Variants in PCDHGA12 observed in about 807,000 individuals in gnomAD.
The protein encoded by PCDHGA12 is protocadherin gamma subfamily A, 12.
A neutral mutation model predicts 61.1 loss-of-function variants in PCDHGA12; 43 were observed. The observed-to-expected ratio is 0.70, with a 90% CI of 0.55 to 0.91. PCDHGA12 has a LOEUF of 0.91. Ranked by LOEUF, PCDHGA12 falls within the 40% of genes least tolerant of loss-of-function variation. PCDHGA12 has a pLI of 0.00. For synonymous variants in PCDHGA12, 520 were observed against 542.9 expected (o/e 0.96, Z 0.59); for missense variants, 1,236 against 1,227.7 (o/e 1.01, Z -0.10).
Position 141,477,140 on chromosome 5 carries a change from G to GT in PCDHGA12, c.2425-17665dup. ...AGCACATTGCAAAGTGTTGGTGGAG[G>GT]TTGTGGATGTGAATGACAACGCCCC... On this transcript the variant is annotated intron_variant, in intron 1 of 3. Transcript: ENST00000252085. The surrounding 1 kb of genome is among the most constrained non-coding windows in gnomAD (Gnocchi z 4.9). 1 of 1,614,220 alleles carries GT rather than the reference G, an allele frequency of 6.2e-7. No homozygotes were observed. Among genetic ancestry groups the GT allele is most frequent in the Non-Finnish European group, 8.5e-7 (1 of 1,180,048 alleles).
intron 1 of PCDHGA12, among the ~76,000 whole-genome samples, chr5:141,464,984 C>T (rs1345385418): frequency 1.3e-5 from 2 of 152,034 alleles, no homozygotes; most frequent in Non-Finnish European, 2.9e-5. Flanking sequence ...TCAAGTGATC[C>T]TCCCACCTCA....
At position 141,485,386 on chromosome 5, in the gene PCDHGA12, C is replaced by A. The variant is rs1044608807; in HGVS notation, c.2425-9421C>A. The stretch of plus-strand genomic sequence containing the variant: ...GGCTGCAGGTCGCTGGAGAGGTGAA[C>A]CAAAGACACTTCCGTGTGGATTTGG... On this transcript the variant is annotated intron_variant, in intron 1 of 3. Coordinates refer to ENST00000252085, the MANE Select transcript of PCDHGA12 (RefSeq NM_003735.3). This position sits in a 1 kb window ranked among gnomAD's most constrained non-coding sequence, Gnocchi z 5.7. 1.2e-6 allele frequency: 2 copies of A among 1,614,104 alleles called. No homozygotes were observed. The highest frequency in any genetic ancestry group is 8.5e-7 in the Non-Finnish European group (1 of 1,180,002).
At chr5:141,462,503 A>G (rs1338834436) in intron 1 of PCDHGA12, among the ~76,000 whole-genome samples, 1 of 152,060 alleles carries the variant, frequency 6.6e-6, no homozygotes, top group East Asian at 1.9e-4. Context: ...ATAATTGTCA[A>G]CTAGATCAAG....
rs1554175372 is a variant in PCDHGA12, at chr5:141,490,827, G to A, written c.2425-3980G>A. ...CCTTTGACTATGAATTGCTGCAGAT[G>A]CTGCAGATTGTGGTGGGGGTTCGAG... On this transcript the variant is annotated intron_variant, in intron 1 of 3. Transcript: ENST00000252085. This position sits in a 1 kb window ranked among gnomAD's most constrained non-coding sequence, Gnocchi z 5.4. 1 of 1,613,744 alleles carries A rather than the reference G, an allele frequency of 6.2e-7. No individual in the cohort carries two copies. Among genetic ancestry groups the A allele is most frequent in the Non-Finnish European group, 8.5e-7 (1 of 1,179,828 alleles).
intron 1 of PCDHGA12, chr5:141,484,858 T>A: frequency 4.1e-6 from 1 of 245,806 alleles, no homozygotes; most frequent in Non-Finnish European, 7.8e-6. Context: ...TTTTGGGGGG[T>A]GGGGGAGCGT....
rs61612330 is a variant in PCDHGA12 at position 141,454,796 on chromosome 5, A to ATTTTTTTTTT, written c.2424+21633_2424+21642dup. Among the ~76,000 whole-genome samples, 264 of 77,454 alleles carry ATTTTTTTTTT rather than the reference A, an allele frequency of 3.4e-3. 39 individuals carry two copies. Among genetic ancestry groups the ATTTTTTTTTT allele is most frequent in the African/African-American group, 0.012 (196 of 16,878 alleles). 50.8% of individuals were successfully genotyped at this position (77,454 alleles called of 152,430 possible). A position where few individuals can be genotyped will look rare whatever the true frequency, so the allele number is the denominator to read the frequency against. ...AAGGAAATAATCCTCCATGGTTCTA[A>ATTTTTTTTTT]TTTTTTTTTTTTTTTTTTTTTTTTT... On this transcript the variant is annotated intron_variant, in intron 1 of 3. Transcript: ENST00000252085.
At chr5:141,461,082 T>C (rs2099008648) in intron 1 of PCDHGA12, among the ~76,000 whole-genome samples, 1 of 152,070 alleles carries the variant, frequency 6.6e-6, no homozygotes, top group South Asian at 2.1e-4. Flanking sequence ...AATTGTGAAT[T>C]GTGCTGCTAT....
chr5:141,437,000 G>A (rs1197061999), intron 1 of PCDHGA12, among the ~76,000 whole-genome samples: 1 of 152,198 alleles, frequency 6.6e-6, no homozygotes, highest in Non-Finnish European at 1.5e-5. Flanking sequence ...TTACTTCAAT[G>A]GGATCTTAGA....
chr5:141,451,789 G>A (rs2098724524), intron 1 of PCDHGA12, among the ~76,000 whole-genome samples: 1 of 152,074 alleles, frequency 6.6e-6, no homozygotes, highest in South Asian at 2.1e-4. Flanking sequence ...GCTGAGGCCA[G>A]AGAATTGCTT....
rs762238827 is a variant in PCDHGA12 at position 141,487,202 on chromosome 5, C to T, written c.2425-7605C>T. ...CACTCATCCAGTTGTCCCAGATCTT[C>T]GAGAATCTTCAGCTCCAAGGGAAGG... On this transcript the variant is annotated intron_variant, in intron 1 of 3. Coordinates refer to ENST00000252085, the MANE Select transcript of PCDHGA12 (RefSeq NM_003735.3). This position sits in a 1 kb window ranked among gnomAD's most constrained non-coding sequence, Gnocchi z 5.0. 7 of 1,613,660 alleles carry T rather than the reference C, an allele frequency of 4.3e-6. No homozygotes were observed. The highest frequency in any genetic ancestry group is 1.7e-5 in the Admixed American group (1 of 59,992).
rs773474154 is a variant in PCDHGA12, at chr5:141,477,751, G to A, written c.2425-17056G>A. The A allele has an allele frequency of 5.0e-6, 8 of 1,613,712 alleles. No individual in the cohort carries two copies. The highest frequency in any genetic ancestry group is 6.8e-6 in the Non-Finnish European group (8 of 1,180,030). ...CTCATATCAGCGATGGGGGCACCCC[G>A]GTCCTAGCCACCAACATCAGCGTGA... On this transcript the variant is annotated intron_variant, in intron 1 of 3. Transcript: ENST00000252085. The surrounding 1 kb of genome is among the most constrained non-coding windows in gnomAD (Gnocchi z 4.9).
rs771313271 is a variant in PCDHGA12 at position 141,477,861 on chromosome 5, G to C, written c.2425-16946G>C. 1.2e-6 allele frequency: 2 copies of C among 1,612,714 alleles called. No individual in the cohort carries two copies. Among genetic ancestry groups the C allele is most frequent in the South Asian group, 1.1e-5 (1 of 90,968 alleles). On this transcript the variant is annotated intron_variant, in intron 1 of 3. Transcript: ENST00000252085. The surrounding 1 kb of genome is among the most constrained non-coding windows in gnomAD (Gnocchi z 4.9). ...GGGAGCTCGGTGGAGATGCTGCCTC[G>C]AGGTACCTCAGCTGGCCACCTAGTG...
At chr5:141,509,507 T>G (rs2099877110) in intron 3 of PCDHGA12, among the ~76,000 whole-genome samples, 1 of 151,792 alleles carries the variant, frequency 6.6e-6, no homozygotes, top group African/African-American at 2.4e-5. Flanking sequence ...GATGTGACGG[T>G]GTTGATGATG....
intron 2 of PCDHGA12, among the ~76,000 whole-genome samples, chr5:141,498,815 C>T (rs1595543994): frequency 6.6e-6 from 1 of 152,032 alleles, no homozygotes. Flanking sequence ...CACCTGTAGT[C>T]CCAGCTACTC....
chr5:141,469,868 C>T (rs749624047), intron 1 of PCDHGA12, among the ~76,000 whole-genome samples: 6 of 152,228 alleles, frequency 3.9e-5, no homozygotes, highest in Non-Finnish European at 7.3e-5. Flanking sequence ...CAATGGCTCA[C>T]GCCTGTAATC....
intron 2 of PCDHGA12, among the ~76,000 whole-genome samples, chr5:141,502,250 T>A (rs915754322): frequency 2.6e-5 from 4 of 152,242 alleles, no homozygotes; most frequent in East Asian, 3.8e-4. Context: ...TCCTTTTTTT[T>A]AATCCAGGAT....
Position 141,493,360 on chromosome 5 carries a change from G to T in PCDHGA12, c.2425-1447G>T, listed in dbSNP as rs1364095483. Reference sequence around the variant, plus strand: ...CAGAATGTGTGCTTTTAATTTCTTGGCACTTGGAACTTTAAAAGCTTGAGG... The same window carrying T: ...CAGAATGTGTGCTTTTAATTTCTTGTCACTTGGAACTTTAAAAGCTTGAGG... On this transcript the variant is annotated intron_variant, in intron 1 of 3. Transcript: ENST00000252085. This position sits in a 1 kb window ranked among gnomAD's most constrained non-coding sequence, Gnocchi z 4.3. Among the ~76,000 whole-genome samples the T allele has an allele frequency of 6.6e-6, 1 of 152,144 alleles. No individual in the cohort carries two copies. The highest frequency in any genetic ancestry group is 1.5e-5 in the Non-Finnish European group (1 of 68,022).
chr5:141,460,792 A>T (rs1028557260), intron 1 of PCDHGA12, among the ~76,000 whole-genome samples: 30 of 152,012 alleles, frequency 2.0e-4, no homozygotes, highest in Non-Finnish European at 2.9e-5. Context: ...ATATACACAC[A>T]AAGTATATAT....
intron 1 of PCDHGA12, chr5:141,478,553 T>G (rs1593930915): frequency 6.2e-7 from 1 of 1,602,704 alleles, no homozygotes; most frequent in Non-Finnish European, 8.5e-7. Context: ...ACAGGTAAGG[T>G]TTAGCAAGTC....
Sources: allele counts gnomAD v4.1 joint callset (sites outside exome capture counted in the v4.1 genomes callset), GRCh38; gene constraint gnomAD v4.1.1; non-coding constraint Gnocchi (gnomAD v3.1); transcripts MANE v1.5; gene names NCBI Gene and HGNC (gene_info 2026-07-23, HGNC 2026-07-21).